The following ANKS1A variants were observed in gnomAD, a reference collection of about 807,000 sequenced individuals.
ANKS1A encodes ankyrin repeat and SAM domain-containing protein 1A.
Under a neutral mutation model 120.3 loss-of-function variants are expected in ANKS1A, and 55 were observed. That is an observed-to-expected ratio of 0.46 (90% CI 0.37 to 0.57). The LOEUF (loss-of-function observed/expected upper bound fraction) is 0.57, where lower values mean the gene tolerates loss of function less well. ANKS1A is among the 20% of genes least tolerant of loss of function. ANKS1A has a pLI of 0.00. For synonymous variants in ANKS1A, 590 were observed against 604.7 expected, an observed-to-expected ratio of 0.98 and a Z score of 0.36; for missense variants, 1,123 against 1,480.3, an observed-to-expected ratio of 0.76 and a Z score of 3.96.
chr6:34,960,279 G>A (rs1173636446), intron 1 of ANKS1A, among the ~76,000 whole-genome samples: 1 of 151,938 alleles, frequency 6.6e-6, no homozygotes, highest in African/African-American at 2.4e-5. Context: ...TTCCTTTGCT[G>A]CCTCTGCTTC....
At chr6:35,076,284 G>A (rs1345650692) in intron 13 of ANKS1A, among the ~76,000 whole-genome samples, 6 of 152,138 alleles carry the variant, frequency 3.9e-5, no homozygotes, top group Middle Eastern at 3.2e-3. Context: ...TTAGCCAGGT[G>A]TGGTGGCGTC....
chr6:34,987,132 G>A (rs1262143466), intron 8 of ANKS1A, among the ~76,000 whole-genome samples: 1 of 152,188 alleles, frequency 6.6e-6, no homozygotes, highest in Non-Finnish European at 1.5e-5. Flanking sequence ...TGTTGTGGCT[G>A]TGCTGTCTTC....
At chr6:34,932,321 G>T (rs1400332121) in intron 1 of ANKS1A, among the ~76,000 whole-genome samples, 1 of 152,160 alleles carries the variant, frequency 6.6e-6, no homozygotes, top group Non-Finnish European at 1.5e-5. Context: ...GAGTAACTCG[G>T]ATTACAGGCA....
intron 11 of ANKS1A, among the ~76,000 whole-genome samples, chr6:35,040,955 C>T (rs753449038): frequency 6.6e-6 from 1 of 152,202 alleles, no homozygotes; most frequent in Non-Finnish European, 1.5e-5. Flanking sequence ...TAATGTTTTC[C>T]AGTGTCTCCC....
Position 35,086,948 on chromosome 6 carries a change from G to A in ANKS1A, c.3304-4G>A, listed in dbSNP as rs550943175. On this transcript the variant is annotated splice_polypyrimidine_tract_variant and splice_region_variant and intron_variant, in intron 22 of 23. Coordinates refer to ENST00000360359, the MANE Select transcript of ANKS1A (RefSeq NM_015245.3). This position sits in a 1 kb window ranked among gnomAD's most constrained non-coding sequence, Gnocchi z 5.1. ...TGACTCTTGACTGCTTCCTTGTTTG[G>A]CAGCTGGAACCACCTGATATGGACC... 2.5e-6 allele frequency: 4 copies of A among 1,614,096 alleles called. No individual in the cohort carries two copies. The South Asian group carries it at 4.4e-5, about 18-fold the overall frequency.
At chr6:35,041,485 C>T (rs1775454756) in intron 11 of ANKS1A, among the ~76,000 whole-genome samples, 1 of 152,108 alleles carries the variant, frequency 6.6e-6, no homozygotes, top group South Asian at 2.1e-4. Context: ...TGATGTCTTT[C>T]CTGAGAAAAT....
intron 1 of ANKS1A, among the ~76,000 whole-genome samples, chr6:34,933,126 A>T (rs571688268): frequency 5.3e-4 from 81 of 152,296 alleles, no homozygotes; most frequent in African/African-American, 1.8e-3. Context: ...CTTTGGAAAG[A>T]TGATTTTTCA....
At chr6:34,958,166 TA>T (rs1344800598) in intron 1 of ANKS1A, among the ~76,000 whole-genome samples, 1 of 152,068 alleles carries the variant, frequency 6.6e-6, no homozygotes, top group African/African-American at 2.4e-5. Context: ...AAATTCAAAA[TA>T]AAACTCCCTC....
chr6:35,005,802 C>T (rs902804487), intron 10 of ANKS1A: 4 of 436,560 alleles, frequency 9.2e-6, no homozygotes, highest in Non-Finnish European at 1.8e-5. Context: ...CCTGTAATCC[C>T]AGCACTTTGG....
At chr6:34,928,203 CTG>C (rs1200639660) in intron 1 of ANKS1A, among the ~76,000 whole-genome samples, 1 of 152,198 alleles carries the variant, frequency 6.6e-6, no homozygotes. Flanking sequence ...CTTCCCATCT[CTG>C]TATGCATGAA....
intron 11 of ANKS1A, among the ~76,000 whole-genome samples, chr6:35,046,933 C>G (rs552885520): frequency 1.4e-4 from 21 of 152,324 alleles, no homozygotes; most frequent in African/African-American, 5.1e-4. Context: ...CTCACCCAGC[C>G]TCTTCTGGTA....
At chr6:35,049,806 G>C (rs762093156) in intron 11 of ANKS1A, among the ~76,000 whole-genome samples, 1 of 152,178 alleles carries the variant, frequency 6.6e-6, no homozygotes, top group Non-Finnish European at 1.5e-5. Context: ...CTGCTCTCCT[G>C]ATATTTGGCC....
intron 11 of ANKS1A, among the ~76,000 whole-genome samples, chr6:35,048,272 T>C (rs1476906144): frequency 1.3e-5 from 2 of 152,092 alleles, no homozygotes; most frequent in Non-Finnish European, 2.9e-5. Flanking sequence ...GTAAAGGGGA[T>C]TGAAGTAGGG....
intron 10 of ANKS1A, among the ~76,000 whole-genome samples, chr6:35,010,326 G>T (rs1041771216): frequency 3.3e-5 from 5 of 152,200 alleles, no homozygotes; most frequent in Non-Finnish European, 7.3e-5. Context: ...CAAGATAGAA[G>T]TAAAGAGTGC....
At chr6:34,992,806 C>T (rs1194239397) in intron 9 of ANKS1A, among the ~76,000 whole-genome samples, 2 of 152,172 alleles carry the variant, frequency 1.3e-5, no homozygotes, top group Non-Finnish European at 1.5e-5. Flanking sequence ...GTCCTTTTGC[C>T]TTTAGAGTGG....
At chr6:34,919,481 C>A (rs9394257) in intron 1 of ANKS1A, among the ~76,000 whole-genome samples, 3 of 152,130 alleles carry the variant, frequency 2.0e-5, no homozygotes, top group Non-Finnish European at 4.4e-5. Context: ...TTCCCTTGAA[C>A]CTGGGCCCTA....
chr6:35,018,371 A>C (rs1249338113), intron 11 of ANKS1A, among the ~76,000 whole-genome samples: 3 of 152,132 alleles, frequency 2.0e-5, no homozygotes, highest in Non-Finnish European at 4.4e-5. Flanking sequence ...CATTGAGAGA[A>C]TCATGCTCAC....
intron 11 of ANKS1A, among the ~76,000 whole-genome samples, chr6:35,036,294 G>A (rs762162260): frequency 2.0e-5 from 3 of 152,206 alleles, no homozygotes; most frequent in African/African-American, 4.8e-5. Context: ...TCTTACTCAC[G>A]TTTGACTTCA....
chr6:35,077,114 C>T (rs537761615), intron 13 of ANKS1A, among the ~76,000 whole-genome samples: 10 of 152,278 alleles, frequency 6.6e-5, no homozygotes, highest in African/African-American at 2.4e-4. Flanking sequence ...TGCTGTGTTG[C>T]TGATGGTGTG....
Sources: gnomAD v4.1 joint callset for allele counts (sites outside exome capture counted in the v4.1 genomes callset) on GRCh38, gnomAD v4.1.1 for gene constraint, Gnocchi (gnomAD v3.1) non-coding constraint, MANE v1.5 for transcripts, NCBI Gene and HGNC (gene_info 2026-07-23, HGNC 2026-07-21) for gene names.